TAFA2: variants seen among roughly 807,000 people sequenced by gnomAD.
The protein encoded by TAFA2 is chemokine-like protein TAFA-2.
TAFA2 carries 7 observed loss-of-function variants against 18.8 expected under a neutral mutation model. The ratio of observed to expected loss-of-function variants is 0.37; its 90% CI spans 0.21 to 0.70. The LOEUF is 0.70. Ranked by LOEUF, TAFA2 falls within the 30% of genes least tolerant of loss-of-function variation. The probability of loss-of-function intolerance (pLI) is 0.53; values close to 1 mark genes in which losing one functional copy is unlikely to be tolerated. For synonymous variants in TAFA2, 60 were observed against 54.2 expected (o/e 1.11, Z -0.47); for missense variants, 122 against 158.1 (o/e 0.77, Z 1.23).
At chr12:62,084,799 T>C (rs1868386655) in intron 1 of TAFA2, among the ~76,000 whole-genome samples, 1 of 152,204 alleles carries the variant, frequency 6.6e-6, no homozygotes, top group Non-Finnish European at 1.5e-5. Flanking sequence ...AGCAGAACTA[T>C]ACTTCAGATT....
intron 1 of TAFA2, among the ~76,000 whole-genome samples, chr12:61,895,861 A>G (rs954065296): frequency 1.3e-5 from 2 of 152,138 alleles, no homozygotes; most frequent in African/African-American, 4.8e-5. Context: ...AAATATAACC[A>G]GTAATCTAGT....
At chr12:62,240,014 T>C (rs146473060) in intron 1 of TAFA2, among the ~76,000 whole-genome samples, 155 of 151,934 alleles carry the variant, frequency 1.0e-3, no homozygotes, top group African/African-American at 3.4e-3. Flanking sequence ...AGAAAGAGTA[T>C]AAAAAATGTT....
At chr12:62,030,944 T>C (rs1881441672) in intron 1 of TAFA2, among the ~76,000 whole-genome samples, 1 of 152,066 alleles carries the variant, frequency 6.6e-6, no homozygotes, top group South Asian at 2.1e-4. Flanking sequence ...ATAGAGGAGG[T>C]GTGGCCTTAA....
chr12:61,752,212 G>A (rs1241670972), intron 4 of TAFA2, among the ~76,000 whole-genome samples: 2 of 151,970 alleles, frequency 1.3e-5, no homozygotes, highest in South Asian at 4.1e-4. Flanking sequence ...GCTAACTCAT[G>A]TAAAGCATTT....
intron 1 of TAFA2, among the ~76,000 whole-genome samples, chr12:62,133,074 C>A (rs1870753893): frequency 6.6e-6 from 1 of 151,910 alleles, no homozygotes; most frequent in Non-Finnish European, 1.5e-5. Context: ...CCATAGCATC[C>A]TTGACCCTCA....
chr12:62,081,869 G>C (rs1356610823), intron 1 of TAFA2, among the ~76,000 whole-genome samples: 1 of 152,056 alleles, frequency 6.6e-6, no homozygotes, highest in African/African-American at 2.4e-5. Context: ...ATGGTGGTTT[G>C]CTGCACAGAT....
chr12:62,103,655 C>G (rs929964272), intron 1 of TAFA2, among the ~76,000 whole-genome samples: 3 of 151,936 alleles, frequency 2.0e-5, no homozygotes, highest in East Asian at 1.9e-4. Context: ...GCAGGAGAAC[C>G]GCTTGAACCC....
chr12:62,017,515 A>G (rs1234444924), intron 1 of TAFA2, among the ~76,000 whole-genome samples: 6 of 152,164 alleles, frequency 3.9e-5, no homozygotes. Context: ...CCAGGGAATT[A>G]ATAACAGAAT....
intron 1 of TAFA2, among the ~76,000 whole-genome samples, chr12:62,003,014 A>G (rs1880430647): frequency 6.6e-6 from 1 of 152,110 alleles, no homozygotes; most frequent in Non-Finnish European, 1.5e-5. Flanking sequence ...TTCTATTGCC[A>G]GTCATTGGAA....
intron 1 of TAFA2, among the ~76,000 whole-genome samples, chr12:61,969,237 T>G (rs1879165276): frequency 6.6e-6 from 1 of 151,670 alleles, no homozygotes; most frequent in Non-Finnish European, 1.5e-5. Context: ...AACAAATGTA[T>G]CCATATTCTA....
chr12:62,019,128 C>T lies in TAFA2; in HGVS notation c.-1-151702G>A, dbSNP rs1039564414. ...CGCAAATCAAAACCACAATGAGATA[C>T]CATCTCACACCAGTTAGAATGGCAA... On this transcript the variant is annotated intron_variant, in intron 1 of 4. Coordinates refer to ENST00000416284, the MANE Select transcript of TAFA2 (RefSeq NM_178539.5). 1.1e-4 allele frequency among the ~76,000 whole-genome samples: 17 copies of T among 152,234 alleles called. 1 individual carries two copies. In the East Asian group the frequency reaches 3.1e-3, roughly 28 times the overall value.
At chr12:62,037,990 T>C (rs1016938548) in intron 1 of TAFA2, among the ~76,000 whole-genome samples, 1 of 152,198 alleles carries the variant, frequency 6.6e-6, no homozygotes, top group Non-Finnish European at 1.5e-5. Context: ...TTTTATCATT[T>C]CATTTGTATG....
At chr12:61,798,686 G>A (rs1358938200) in intron 2 of TAFA2, among the ~76,000 whole-genome samples, 1 of 152,164 alleles carries the variant, frequency 6.6e-6, no homozygotes, top group Non-Finnish European at 1.5e-5. Flanking sequence ...AAACACATGT[G>A]AAGTGAAGGA....
intron 2 of TAFA2, among the ~76,000 whole-genome samples, chr12:61,758,536 C>T (rs11174158): frequency 0.28 from 42,225 of 151,392 alleles, 6,614 homozygotes; most frequent in South Asian, 0.38. Context: ...TGAGTGGATT[C>T]GGTGGTGAGA....
chr12:62,150,192 C>T (rs1301418329), intron 1 of TAFA2, among the ~76,000 whole-genome samples: 7 of 152,126 alleles, frequency 4.6e-5, no homozygotes, highest in African/African-American at 7.2e-5. Context: ...ACGCCAAGGG[C>T]ACAAAGATTA....
chr12:62,063,046 G>C (rs887191945), intron 1 of TAFA2, among the ~76,000 whole-genome samples: 3 of 151,870 alleles, frequency 2.0e-5, no homozygotes, highest in East Asian at 1.9e-4. Flanking sequence ...AGATAATCTA[G>C]GAAGATCTCC....
chr12:62,038,207 G>T (rs886494859), intron 1 of TAFA2, among the ~76,000 whole-genome samples: 2 of 152,058 alleles, frequency 1.3e-5, no homozygotes, highest in African/African-American at 4.8e-5. Flanking sequence ...TAATAATATT[G>T]TATTCAAGAT....
chr12:61,947,453 A>G (rs1241914100), intron 1 of TAFA2, among the ~76,000 whole-genome samples: 1 of 151,820 alleles, frequency 6.6e-6, no homozygotes, highest in South Asian at 2.1e-4. Context: ...AACTTAAAGT[A>G]TAATTTAAAA....
chr12:62,145,760 G>T (rs1452095129), intron 1 of TAFA2: 1 of 152,216 alleles, frequency 6.6e-6, no homozygotes, highest in Non-Finnish European at 1.5e-5. Context: ...TCTTGGTGAG[G>T]CATGCACATG....
Sources: allele counts gnomAD v4.1 joint callset (sites outside exome capture counted in the v4.1 genomes callset), GRCh38; gene constraint gnomAD v4.1.1; transcripts MANE v1.5; gene names NCBI Gene and HGNC (gene_info 2026-07-23, HGNC 2026-07-21).